The following DENND1A variants were observed in gnomAD, a reference collection of about 807,000 sequenced individuals.
DENND1A encodes DENN domain-containing protein 1A.
A neutral mutation model predicts 113.7 loss-of-function variants in DENND1A; 51 were observed. That is an observed-to-expected ratio of 0.45 (90% CI 0.36 to 0.57). The LOEUF (loss-of-function observed/expected upper bound fraction) is 0.57, where lower values mean the gene tolerates loss of function less well. DENND1A is among the 20% of genes least tolerant of loss of function. The pLI, the probability that DENND1A is intolerant of heterozygous loss-of-function variation, is 0.00. For missense variants in DENND1A, 1,258 were observed against 1,395.9 expected (o/e 0.90, Z 1.57); for synonymous variants, 565 against 570.8 (o/e 0.99, Z 0.14).
At chr9:123,846,860 T>C (rs1842692728) in intron 2 of DENND1A, among the ~76,000 whole-genome samples, 1 of 152,248 alleles carries the variant, frequency 6.6e-6, no homozygotes, top group Non-Finnish European at 1.5e-5. Flanking sequence ...AATTTTGTTT[T>C]ATATATACAC....
At chr9:123,725,745 T>C (rs2067660354) in intron 5 of DENND1A, among the ~76,000 whole-genome samples, 1 of 152,226 alleles carries the variant, frequency 6.6e-6, no homozygotes, top group African/African-American at 2.4e-5. Flanking sequence ...GGAGAATCGA[T>C]GGGTTCCTTT....
chr9:123,477,693 C>T (rs1429095192), intron 13 of DENND1A, among the ~76,000 whole-genome samples: 1 of 151,090 alleles, frequency 6.6e-6, no homozygotes, highest in Non-Finnish European at 1.5e-5. Flanking sequence ...CCATGGCACA[C>T]GTTTACCTAT....
At chr9:123,591,514 C>A (rs1485932915) in intron 11 of DENND1A, among the ~76,000 whole-genome samples, 1 of 152,194 alleles carries the variant, frequency 6.6e-6, no homozygotes, top group Non-Finnish European at 1.5e-5. Flanking sequence ...GACAGGACAC[C>A]CTCTCTAGGA....
chr9:123,490,140 A>T (rs2051244593), intron 13 of DENND1A, among the ~76,000 whole-genome samples: 1 of 152,226 alleles, frequency 6.6e-6, no homozygotes, highest in African/African-American at 2.4e-5. Context: ...TTTCCATGGT[A>T]GGTGTACAAG....
At chr9:123,619,732 T>G (rs182688871) in intron 10 of DENND1A, among the ~76,000 whole-genome samples, 21 of 152,272 alleles carry the variant, frequency 1.4e-4, no homozygotes, top group Admixed American at 9.8e-4. Flanking sequence ...ACTGTATACT[T>G]TTAAAAGGGT....
chr9:123,867,447 C>G (rs1425239583), intron 2 of DENND1A, among the ~76,000 whole-genome samples: 1 of 152,142 alleles, frequency 6.6e-6, no homozygotes, highest in Non-Finnish European at 1.5e-5. Flanking sequence ...TGGCAGTTTT[C>G]AAGAAACCTG....
intron 1 of DENND1A, among the ~76,000 whole-genome samples, chr9:123,880,155 G>A (rs1297041297): frequency 6.6e-6 from 1 of 152,134 alleles, no homozygotes; most frequent in Non-Finnish European, 1.5e-5. Flanking sequence ...TTGGATTACA[G>A]GAACACACCA....
At chr9:123,813,515 T>TAA (rs149532202) in intron 2 of DENND1A, among the ~76,000 whole-genome samples, 7 of 147,398 alleles carry the variant, frequency 4.7e-5, no homozygotes, top group African/African-American at 9.9e-5. Flanking sequence ...CCTTCTCATC[T>TAA]AAAAAAAAAA....
At chr9:123,805,388 T>G (rs1835367119) in intron 2 of DENND1A, among the ~76,000 whole-genome samples, 1 of 152,114 alleles carries the variant, frequency 6.6e-6, no homozygotes, top group Non-Finnish European at 1.5e-5. Flanking sequence ...AATGCAAAAT[T>G]TATATTTCAT....
At chr9:123,588,620 C>CA (rs546095119) in intron 11 of DENND1A, among the ~76,000 whole-genome samples, 13,151 of 51,078 alleles carry the variant, frequency 0.26, 1,555 homozygotes, top group Middle Eastern at 0.39. Flanking sequence ...AACTCCATCT[C>CA]AAAAAAAAAA....
At chr9:123,795,961 G>C (rs1833698528) in intron 2 of DENND1A, among the ~76,000 whole-genome samples, 1 of 152,150 alleles carries the variant, frequency 6.6e-6, no homozygotes, top group South Asian at 2.1e-4. Context: ...TAAGAATCTA[G>C]TGGTACATAG....
At chr9:123,660,950 G>A (rs1444022329) in intron 8 of DENND1A, among the ~76,000 whole-genome samples, 1 of 152,238 alleles carries the variant, frequency 6.6e-6, no homozygotes, top group African/African-American at 2.4e-5. Flanking sequence ...CCATCATATA[G>A]TGAGTAGAGC....
intron 13 of DENND1A, among the ~76,000 whole-genome samples, chr9:123,464,624 G>A (rs1425993568): frequency 1.3e-5 from 2 of 151,926 alleles, no homozygotes; most frequent in Non-Finnish European, 2.9e-5. Context: ...TTTCGGTTTC[G>A]CCAGACAAAA....
intron 13 of DENND1A, among the ~76,000 whole-genome samples, chr9:123,547,919 C>T (rs2056805791): frequency 6.6e-6 from 1 of 152,208 alleles, no homozygotes; most frequent in Non-Finnish European, 1.5e-5. Flanking sequence ...CATCTACTAT[C>T]AGCAAGGCAC....
intron 3 of DENND1A, among the ~76,000 whole-genome samples, chr9:123,778,800 A>G (rs1206055671): frequency 6.6e-6 from 1 of 152,162 alleles, no homozygotes; most frequent in African/African-American, 2.4e-5. Context: ...CGCATAACCC[A>G]AACAAACTCA....
At chr9:123,520,299 G>C (rs1270957110) in intron 13 of DENND1A, among the ~76,000 whole-genome samples, 1 of 151,496 alleles carries the variant, frequency 6.6e-6, no homozygotes, top group Non-Finnish European at 1.5e-5. Flanking sequence ...TCTACTAAAA[G>C]TACAAAAAAA....
chr9:123,821,472 C>CTGTGTTA (rs1838459399), intron 2 of DENND1A, among the ~76,000 whole-genome samples: 1 of 152,166 alleles, frequency 6.6e-6, no homozygotes, highest in Non-Finnish European at 1.5e-5. Flanking sequence ...TAACAGAAAC[C>CTGTGTTA]AGTTGTAAGA....
chr9:123,794,157 G>A (rs554676630), intron 2 of DENND1A, among the ~76,000 whole-genome samples: 8 of 152,266 alleles, frequency 5.3e-5, no homozygotes, highest in East Asian at 1.9e-4. Context: ...GGAGGCCAGC[G>A]GGCACCAAGA....
intron 2 of DENND1A, among the ~76,000 whole-genome samples, chr9:123,856,169 C>T (rs546223594): frequency 3.9e-5 from 6 of 152,300 alleles, no homozygotes; most frequent in African/African-American, 1.4e-4. Flanking sequence ...TTAGACTTTA[C>T]TTTCTCTTCC....
Sources: gnomAD v4.1 joint callset for allele counts (sites outside exome capture counted in the v4.1 genomes callset) on GRCh38, gnomAD v4.1.1 for gene constraint, MANE v1.5 for transcripts, NCBI Gene and HGNC (gene_info 2026-07-23, HGNC 2026-07-21) for gene names.